SMARCC1: variants seen among roughly 807,000 people sequenced by gnomAD.
SMARCC1 encodes the protein SWI/SNF related BAF chromatin remodeling complex subunit C1.
SMARCC1 carries 43 observed loss-of-function variants against 147.4 expected under a neutral mutation model. The ratio of observed to expected loss-of-function variants is 0.29; its 90% confidence interval spans 0.23 to 0.38. The LOEUF (loss-of-function observed/expected upper bound fraction) is 0.38. Among genes scored for constraint, SMARCC1 ranks in the 10% least tolerant of loss-of-function variants. SMARCC1 has a pLI of 1.00. For synonymous variants in SMARCC1, 495 were observed against 484.4 expected, an observed-to-expected ratio of 1.02 and a Z score of -0.29; for missense variants, 1,119 against 1,381.1, an observed-to-expected ratio of 0.81 and a Z score of 3.01.
intron 26 of SMARCC1, among the ~76,000 whole-genome samples, chr3:47,600,528 A>G (rs144501886): frequency 2.2e-3 from 329 of 152,302 alleles, no homozygotes; most frequent in Admixed American, 4.2e-3. Context: ...AGCCTCAGAG[A>G]AGCTATGTAA....
intron 8 of SMARCC1, 44 bp downstream of exon 8, chr3:47,714,371 T>A (rs1295972248): frequency 1.6e-6 from 2 of 1,256,298 alleles, no homozygotes; most frequent in Non-Finnish European, 1.2e-6. Flanking sequence ...TCAAAAAAAA[T>A]TTTAAAAAGA....
chr3:47,640,696 T>C (rs967745269), intron 21 of SMARCC1, among the ~76,000 whole-genome samples: 8 of 152,152 alleles, frequency 5.3e-5, no homozygotes, highest in Non-Finnish European at 2.9e-5. Flanking sequence ...TCCTAGAGAA[T>C]AGAAAAAGAG....
chr3:47,621,525 G>C (rs938832180), intron 25 of SMARCC1, among the ~76,000 whole-genome samples: 1 of 152,070 alleles, frequency 6.6e-6, no homozygotes, highest in Admixed American at 6.6e-5. Flanking sequence ...GATGCAGCTG[G>C]AGGCCATTAT....
At chr3:47,670,409 A>T (rs1185822395) in intron 19 of SMARCC1, 1 of 484,046 alleles carries the variant, frequency 2.1e-6, no homozygotes, top group African/African-American at 2.0e-5. Context: ...ACATGGTGAA[A>T]GCCCATTGCT....
intron 21 of SMARCC1, among the ~76,000 whole-genome samples, chr3:47,652,313 AACCACAGCTGC>A (rs141668184): frequency 0.016 from 2,452 of 152,274 alleles, 60 homozygotes; most frequent in African/African-American, 0.047. Flanking sequence ...AGAGGAAGTC[AACCACAGCTGC>A]TCTGCCTGAT....
intron 21 of SMARCC1, among the ~76,000 whole-genome samples, chr3:47,641,850 C>G (rs550393009): frequency 1.3e-5 from 2 of 152,130 alleles, no homozygotes; most frequent in African/African-American, 4.8e-5. Context: ...TAGCTCACTG[C>G]AGCCTCAAAC....
At chr3:47,711,258 A>G (rs6768699) in intron 8 of SMARCC1, among the ~76,000 whole-genome samples, 91,853 of 152,030 alleles carry the variant, frequency 0.6, 29,082 homozygotes, top group East Asian at 0.72. Context: ...TCTAGGTAGG[A>G]ATGGAAAAGT....
intron 23 of SMARCC1, among the ~76,000 whole-genome samples, 157 bp from the exon 24 acceptor site, chr3:47,635,501 T>C (rs1444202924): frequency 2.0e-5 from 3 of 152,230 alleles, no homozygotes; most frequent in Non-Finnish European, 2.9e-5. Context: ...ATTCCATGCA[T>C]TTAGGTTTGC....
intron 21 of SMARCC1, among the ~76,000 whole-genome samples, chr3:47,651,257 T>C (rs2033186083): frequency 6.6e-6 from 1 of 152,222 alleles, no homozygotes; most frequent in Admixed American, 6.5e-5. Context: ...TGAGCCAAGA[T>C]TGTGCCACTG....
intron 16 of SMARCC1, among the ~76,000 whole-genome samples, chr3:47,677,407 T>G (rs976880408): frequency 3.3e-5 from 5 of 151,462 alleles, no homozygotes; most frequent in African/African-American, 1.2e-4. Flanking sequence ...GGCCGTTTTT[T>G]TTTTTTTTTT....
chr3:47,773,813 T>C (rs139300848), intron 1 of SMARCC1, among the ~76,000 whole-genome samples: 1,958 of 152,148 alleles, frequency 0.013, 31 homozygotes, highest in Non-Finnish European at 0.018. Flanking sequence ...TTTGTATTTT[T>C]AGTAGAGACG....
intron 13 of SMARCC1, 54 bp downstream of exon 13, chr3:47,689,333 G>A: frequency 7.0e-7 from 1 of 1,420,554 alleles, no homozygotes. Context: ...CTACTGTTCG[G>A]TACACAGGAC....
At chr3:47,724,151 G>A (rs2034270043) in intron 6 of SMARCC1, among the ~76,000 whole-genome samples, 1 of 152,146 alleles carries the variant, frequency 6.6e-6, no homozygotes, top group African/African-American at 2.4e-5. Context: ...CCACTGCTGG[G>A]TATATGCCCA....
Position 47,588,226 on chromosome 3 carries a change from C to A in SMARCC1, c.3301G>T (p.Ala1101Ser), listed in dbSNP as rs146867953. 6.2e-7 allele frequency: 1 copy of A among 1,613,688 alleles called. No individual in the cohort carries two copies. Residue 1101 changes from alanine to serine, a missense_variant, in exon 28 of 28, where the codon GCC becomes TCC. This residue lies in a region of SMARCC1 where 186 missense variants were observed against 216.5 expected (regional missense o/e 0.86). Coordinates refer to ENST00000254480, the MANE Select transcript of SMARCC1 (RefSeq NM_003074.4). ...CTTCCAGGCTAAGGAGCAGCTGAGG[C>A]TGGCGGGCCAGGAGCAGGAGGCGGA... ...VPPPPAPGPP[A>S]SAAP
chr3:47,772,732 G>C, intron 2 of SMARCC1, 85 bp downstream of exon 2: 1 of 1,184,268 alleles, frequency 8.4e-7, no homozygotes, highest in Non-Finnish European at 1.2e-6. Flanking sequence ...CACGCTAGCA[G>C]CAGCAAAGGA....
intron 21 of SMARCC1, among the ~76,000 whole-genome samples, chr3:47,645,201 A>G (rs2033102468): frequency 6.6e-6 from 1 of 151,850 alleles, no homozygotes. Context: ...GCTTGATCCC[A>G]GAAGGTCTCT....
chr3:47,617,124 T>C (rs2032656777), intron 25 of SMARCC1, among the ~76,000 whole-genome samples: 1 of 152,262 alleles, frequency 6.6e-6, no homozygotes, highest in Non-Finnish European at 1.5e-5. Flanking sequence ...AAAAGCTCAT[T>C]TCTTTATAAA....
rs138682532 is a variant in SMARCC1, at chr3:47,768,448, T to C, written c.315+4369A>G. ...AATGGTTTAGTTCCCAGGAGTCAAA[T>C]AGCCTACATATAACACTCTCTGAAA... On this transcript the variant is annotated intron_variant, in intron 2 of 27. Coordinates refer to ENST00000254480, the MANE Select transcript of SMARCC1 (RefSeq NM_003074.4). Among the ~76,000 whole-genome samples, 21 of 152,276 alleles carry C rather than the reference T, an allele frequency of 1.4e-4. No individual in the cohort carries two copies. In the East Asian group the frequency reaches 3.5e-3, roughly 25 times the overall value.
intron 2 of SMARCC1, among the ~76,000 whole-genome samples, chr3:47,769,068 A>G (rs1226956824): frequency 6.6e-6 from 1 of 151,610 alleles, no homozygotes; most frequent in African/African-American, 2.4e-5. Context: ...AAAATAAGCC[A>G]GGCATGGTGG....
Sources: gnomAD v4.1 joint callset for allele counts (sites outside exome capture counted in the v4.1 genomes callset) on GRCh38, gnomAD v4.1.1 for gene constraint, gnomAD v4.1.1 regional missense constraint, MANE v1.5 for transcripts, NCBI Gene and HGNC (gene_info 2026-07-23, HGNC 2026-07-21) for gene names.